PDIA5: variants seen among roughly 807,000 people sequenced by gnomAD.
The protein encoded by PDIA5 is protein disulfide isomerase family A member 5, also known as protein disulfide-isomerase A5.
In PDIA5, 58 loss-of-function variants were observed where a neutral mutation model predicts 77.6. The observed-to-expected ratio is 0.75, with a 90% confidence interval of 0.61 to 0.93. The LOEUF is 0.93. Ranked by LOEUF, PDIA5 falls within the 40% of genes least tolerant of loss-of-function variation. The pLI, the probability that PDIA5 is intolerant of heterozygous loss-of-function variation, is 0.00. For missense variants in PDIA5, 630 were observed against 647.7 expected (o/e 0.97, Z 0.30); for synonymous variants, 250 against 252.1 (o/e 0.99, Z 0.08).
chr3:123,072,948 G>GTGTGTGTGTGT (rs377523246), intron 1 of PDIA5, among the ~76,000 whole-genome samples: 7 of 149,510 alleles, frequency 4.7e-5, no homozygotes, highest in South Asian at 4.2e-4. Context: ...GTGTGTATGT[G>GTGTGTGTGTGT]GTGTTGTTGT....
chr3:123,107,652 G>A (rs1024423816), intron 6 of PDIA5, among the ~76,000 whole-genome samples: 1 of 152,190 alleles, frequency 6.6e-6, no homozygotes, highest in Admixed American at 6.5e-5. Context: ...CTTGGGATGG[G>A]CAAGAACTTC....
intron 15 of PDIA5, among the ~76,000 whole-genome samples, chr3:123,160,050 C>A (rs3936679): frequency 0.01 from 1,554 of 152,328 alleles, 24 homozygotes; most frequent in African/African-American, 0.036. Context: ...TGAGCTCTAT[C>A]TAAAATGATC....
At chr3:123,120,874 A>G (rs894212245) in intron 8 of PDIA5, among the ~76,000 whole-genome samples, 5 of 149,368 alleles carry the variant, frequency 3.3e-5, no homozygotes, top group Non-Finnish European at 4.4e-5. Flanking sequence ...CTCCCTGCCC[A>G]CCAGCCCTGT....
At chr3:123,115,010 G>A (rs967533505) in intron 7 of PDIA5, among the ~76,000 whole-genome samples, 4 of 152,228 alleles carry the variant, frequency 2.6e-5, no homozygotes, top group African/African-American at 7.2e-5. Context: ...GGGAGGTTCT[G>A]GTGGCCCAGA....
At chr3:123,091,765 G>T (rs977544521) in intron 2 of PDIA5, among the ~76,000 whole-genome samples, 1 of 152,180 alleles carries the variant, frequency 6.6e-6, no homozygotes, top group East Asian at 1.9e-4. Flanking sequence ...GTTAAATGTG[G>T]CTTAGGTGTC....
At chr3:123,145,726 C>G in intron 12 of PDIA5, 134 bp downstream of exon 12, 1 of 691,386 alleles carries the variant, frequency 1.4e-6, no homozygotes, top group East Asian at 2.7e-5. Context: ...TCTGTGTGCC[C>G]AAGTAGAACA....
intron 8 of PDIA5, among the ~76,000 whole-genome samples, chr3:123,117,485 G>C (rs953485085): frequency 2.0e-5 from 3 of 149,260 alleles, no homozygotes; most frequent in Admixed American, 6.7e-5. Context: ...TTAGCCTCCT[G>C]AATAGCTGGG....
At chr3:123,093,664 C>T (rs1460173450) in intron 3 of PDIA5, among the ~76,000 whole-genome samples, 1 of 152,212 alleles carries the variant, frequency 6.6e-6, no homozygotes, top group Non-Finnish European at 1.5e-5. Flanking sequence ...TGGATAACTG[C>T]ATCCTCAAGG....
chr3:123,122,163 C>T (rs1401442724), intron 8 of PDIA5, among the ~76,000 whole-genome samples: 4 of 152,024 alleles, frequency 2.6e-5, no homozygotes, highest in African/African-American at 9.7e-5. Context: ...TGGATTTTAG[C>T]CTATATTCAA....
intron 3 of PDIA5, among the ~76,000 whole-genome samples, chr3:123,097,485 C>G (rs1409196246): frequency 6.6e-6 from 1 of 152,196 alleles, no homozygotes; most frequent in Non-Finnish European, 1.5e-5. Context: ...ACAGCCAACT[C>G]AGGGAGGAGC....
chr3:123,160,080 C>T lies in PDIA5; in HGVS notation c.1345-1241C>T, dbSNP rs773286190. The stretch of plus-strand genomic sequence containing the variant: ...ATGATCTAATTTGTCATACAGCAGA[C>T]GCTTGATAACTGGACTTTGTCAAGG... On this transcript the variant is annotated intron_variant, in intron 15 of 16. Transcript: ENST00000316218. Among the ~76,000 whole-genome samples the T allele has an allele frequency of 5.3e-5, 8 of 152,280 alleles. No homozygotes were observed. In the South Asian group the frequency reaches 1.0e-3, roughly 20 times the overall value.
intron 14 of PDIA5, among the ~76,000 whole-genome samples, chr3:123,154,398 A>G (rs1935974062): frequency 6.6e-6 from 1 of 152,128 alleles, no homozygotes; most frequent in African/African-American, 2.4e-5. Context: ...CAAAGAGTAG[A>G]TGGAGACCTG....
rs1933581294 is a variant in PDIA5 at position 123,067,036 on chromosome 3, C to T, written c.-129C>T. The T allele has an allele frequency of 4.1e-6, 3 of 739,948 alleles. No homozygotes were observed. The highest frequency in any genetic ancestry group is 6.8e-5 in the East Asian group (2 of 29,464). The allele number at this position is 739,948 out of a possible 1,614,324, so 45.8% of individuals were successfully genotyped here. ...GCGCATGCTTTGGCAGACGTGGCAC[C>T]GGGAACTCGGAGGCGGGGAGCGGCT... On this transcript the variant is annotated 5_prime_UTR_variant, in exon 1 of 17. Coordinates refer to ENST00000316218, the MANE Select transcript of PDIA5 (RefSeq NM_006810.4).
intron 3 of PDIA5, 29 bp downstream of exon 3, chr3:123,092,471 G>A (rs766010930): frequency 6.4e-7 from 1 of 1,559,764 alleles, no homozygotes. Flanking sequence ...TGCCATGGTG[G>A]CTGCTGGGCA....
rs146931577 is a variant in PDIA5 at position 123,094,210 on chromosome 3, GCTGTGTTGAATTTATTC to G, written c.257+1773_257+1789del. On this transcript the variant is annotated intron_variant, in intron 3 of 16. Coordinates refer to ENST00000316218, the MANE Select transcript of PDIA5 (RefSeq NM_006810.4). The stretch of plus-strand genomic sequence containing the variant: ...ATGGACTATTCCATGTAGTTGCCTC[GCTGTGTTGAATTTATTC>G]CTGTAAGAGGAAATAGAAACTGAAA... 8.2e-3 allele frequency among the ~76,000 whole-genome samples: 1,255 copies of G among 152,330 alleles called. 8 individuals carry two copies. Among genetic ancestry groups the G allele is most frequent in the Non-Finnish European group, 0.014 (980 of 68,026 alleles).
At position 123,141,369 on chromosome 3, in the gene PDIA5, G is replaced by A. The variant is rs557847184; in HGVS notation, c.911-4153G>A. The stretch of plus-strand genomic sequence containing the variant: ...CCAGGGCCTCATGCCTGCATTTCCC[G>A]AGGCCTCCCAGTGTGTCCTCCACTA... On this transcript the variant is annotated intron_variant, in intron 11 of 16. Coordinates refer to ENST00000316218, the MANE Select transcript of PDIA5 (RefSeq NM_006810.4). 9.2e-5 allele frequency among the ~76,000 whole-genome samples: 14 copies of A among 152,254 alleles called. No homozygotes were observed. In the East Asian group the frequency reaches 1.9e-3, roughly 21 times the overall value.
At chr3:123,090,891 C>T (rs761986590) in intron 2 of PDIA5, among the ~76,000 whole-genome samples, 4 of 152,190 alleles carry the variant, frequency 2.6e-5, no homozygotes, top group Non-Finnish European at 4.4e-5. Context: ...ATTATTTTAA[C>T]TTCCTGCCTC....
intron 13 of PDIA5, among the ~76,000 whole-genome samples, chr3:123,149,120 A>G (rs1056893242): frequency 6.6e-6 from 1 of 152,228 alleles, no homozygotes; most frequent in African/African-American, 2.4e-5. Flanking sequence ...AGTCACCAGC[A>G]CAGGAGAAGG....
Position 123,067,184 on chromosome 3 carries a change from C to G in PDIA5, c.20C>G (p.Ala7Gly). The change falls in exon 1 of 17, where the codon GCG becomes GGG. Residue 7 changes from alanine to glycine, a missense_variant. By Grantham distance (60) the Ala-to-Gly change is moderately conservative. Coordinates refer to ENST00000316218, the MANE Select transcript of PDIA5 (RefSeq NM_006810.4). MARAGP[A>G]WLLLAIWVVL... is the part of the protein sequence containing the mutation. ...GCTGGGATGGCGCGGGCCGGGCCGG[C>G]GTGGCTGCTGCTGGCAATCTGGGTG... The G allele has an allele frequency of 8.0e-7, 1 of 1,247,056 alleles. No individual in the cohort carries two copies. The highest frequency in any genetic ancestry group is 1.0e-6 in the Non-Finnish European group (1 of 990,342). The allele number at this position is 1,247,056 out of a possible 1,614,324, so 77.2% of individuals were successfully genotyped here.
Sources: gnomAD v4.1 joint callset for allele counts (sites outside exome capture counted in the v4.1 genomes callset) on GRCh38, gnomAD v4.1.1 for gene constraint, MANE v1.5 for transcripts, NCBI Gene and HGNC (gene_info 2026-07-23, HGNC 2026-07-21) for gene names.